TP53BP2: variants seen among roughly 807,000 people sequenced by gnomAD.
TP53BP2 encodes apoptosis-stimulating of p53 protein 2.
Under a neutral mutation model 126.2 loss-of-function variants are expected in TP53BP2, and 62 were observed. The ratio of observed to expected loss-of-function variants is 0.49; its 90% confidence interval spans 0.40 to 0.61. TP53BP2 has a LOEUF of 0.61. Ranked by LOEUF, TP53BP2 falls within the 20% of genes least tolerant of loss-of-function variation. The pLI is 0.00. For missense variants in TP53BP2, 1,215 were observed against 1,402.8 expected, an observed-to-expected ratio of 0.87 and a Z score of 2.14; for synonymous variants, 485 against 502.9, an observed-to-expected ratio of 0.96 and a Z score of 0.48.
At chr1:223,812,575 T>A (rs916149464) in intron 3 of TP53BP2, among the ~76,000 whole-genome samples, 9 of 152,116 alleles carry the variant, frequency 5.9e-5, no homozygotes, top group Middle Eastern at 6.8e-3. Flanking sequence ...GTTGTTTTCG[T>A]TTTTTCAGAT....
chr1:223,811,418 A>G (rs1474133986), intron 3 of TP53BP2, among the ~76,000 whole-genome samples: 1 of 152,234 alleles, frequency 6.6e-6, no homozygotes, highest in African/African-American at 2.4e-5. Context: ...ATGTCTACTC[A>G]GAGCCAAGTA....
chr1:223,823,415 C>T (rs1026245124), intron 1 of TP53BP2, among the ~76,000 whole-genome samples: 2 of 152,162 alleles, frequency 1.3e-5, no homozygotes, highest in Non-Finnish European at 1.5e-5. Context: ...CCACATTCTG[C>T]AACCAAAGCT....
intron 1 of TP53BP2, among the ~76,000 whole-genome samples, chr1:223,829,774 T>C (rs1486904530): frequency 6.6e-6 from 1 of 151,560 alleles, no homozygotes; most frequent in Non-Finnish European, 1.5e-5. Context: ...TTACCCATAC[T>C]ACAAGGACAG....
chr1:223,791,284 AAAATAAT>A (rs1662147278), intron 15 of TP53BP2, among the ~76,000 whole-genome samples: 1 of 151,788 alleles, frequency 6.6e-6, no homozygotes, highest in Admixed American at 6.6e-5. Flanking sequence ...ATAAAAATAA[AAAATAAT>A]TTTTTTTTAA....
chr1:223,788,675 G>A (rs1662052965), intron 16 of TP53BP2, among the ~76,000 whole-genome samples: 1 of 152,132 alleles, frequency 6.6e-6, no homozygotes, highest in Non-Finnish European at 1.5e-5. Flanking sequence ...GTTAGGAGAG[G>A]GGGGTCTGTT....
chr1:223,840,692 T>G (rs1664073733), intron 1 of TP53BP2, among the ~76,000 whole-genome samples: 1 of 152,190 alleles, frequency 6.6e-6, no homozygotes, highest in African/African-American at 2.4e-5. Flanking sequence ...AAGTTTTGTT[T>G]TATTGTCTGC....
At chr1:223,782,825 C>T (rs11589154) in intron 17 of TP53BP2, among the ~76,000 whole-genome samples, 354 of 152,208 alleles carry the variant, frequency 2.3e-3, no homozygotes, top group Non-Finnish European at 4.0e-3. Flanking sequence ...TTTAAAGTTA[C>T]GTTATGATCA....
intron 1 of TP53BP2, among the ~76,000 whole-genome samples, chr1:223,831,483 ATATATATATATATATAT>A (rs1663727527): frequency 2.6e-4 from 8 of 31,352 alleles, no homozygotes; most frequent in African/African-American, 8.1e-4. Flanking sequence ...AAAAAAAAAT[ATATATATATATATATAT>A]ATATATATAT....
chr1:223,787,465 G>T (rs1043784175), intron 16 of TP53BP2, among the ~76,000 whole-genome samples: 1 of 151,920 alleles, frequency 6.6e-6, no homozygotes, highest in African/African-American at 2.4e-5. Context: ...CATAAACAAA[G>T]GCTGGGCATG....
Position 223,803,446 on chromosome 1 carries a change from T to A in TP53BP2, c.656A>T (p.Glu219Val). 1 of 1,610,816 alleles carries A rather than the reference T, an allele frequency of 6.2e-7. No individual in the cohort carries two copies. The highest frequency in any genetic ancestry group is 8.5e-7 in the Non-Finnish European group (1 of 1,178,294). ...KRLSNGKLVE[E>V]IEQMNNLFQQ... ...GAACAAATTATTCATCTGTTCAATT[T>A]CCTCCACTAGATGAGACAGAGAACA... The change falls in exon 7 of 18, where the codon GAA becomes GTA. Residue 219 changes from glutamate (E) to valine (V), a missense_variant. Around this residue, in one of 4 missense-constraint regions of TP53BP2, gnomAD observed 814 missense variants for 853.0 expected, o/e 0.95. Transcript: ENST00000343537.
At chr1:223,810,359 A>G in intron 4 of TP53BP2, 72 bp downstream of exon 4, 1 of 1,124,126 alleles carries the variant, frequency 8.9e-7, no homozygotes, top group Non-Finnish European at 1.2e-6. Flanking sequence ...CAAAGTAATA[A>G]TGAATAAGAT....
intron 5 of TP53BP2, among the ~76,000 whole-genome samples, chr1:223,804,658 A>T (rs1054683537): frequency 1.3e-5 from 2 of 152,244 alleles, no homozygotes; most frequent in African/African-American, 2.4e-5. Flanking sequence ...CAACAATTTT[A>T]AAAAGCAGCT....
At chr1:223,833,903 T>C (rs1235543042) in intron 1 of TP53BP2, among the ~76,000 whole-genome samples, 2 of 152,236 alleles carry the variant, frequency 1.3e-5, no homozygotes, top group African/African-American at 4.8e-5. Flanking sequence ...TAAAGCGATA[T>C]GATAAAGAAT....
Position 223,800,035 on chromosome 1 carries a change from T to C in TP53BP2, c.1349A>G (p.Glu450Gly), listed in dbSNP as rs556711213. 3.1e-6 allele frequency: 5 copies of C among 1,605,220 alleles called. No individual in the cohort carries two copies. In the South Asian group the frequency reaches 5.6e-5, roughly 18 times the overall value. ...CTTCTCTTTCTCCCTCAGCGGAACC[T>C]CTCCATCATCAACTAAAGACAAAAA... ...GNALDQVDDG[E>G]VPLREKEKKV... The change falls in exon 11 of 18, where the codon GAG (glutamate) becomes GGG (glycine). Residue 450 changes from glutamate to glycine, a missense_variant. This residue lies in a region of TP53BP2 where 814 missense variants were observed against 853.0 expected (regional missense o/e 0.95). Transcript: ENST00000343537.
At chr1:223,842,294 C>G (rs12136558) in intron 1 of TP53BP2, among the ~76,000 whole-genome samples, 23,383 of 152,240 alleles carry the variant, frequency 0.15, 2,245 homozygotes, top group East Asian at 0.22. Flanking sequence ...ATCGGTTTGA[C>G]TGCATTGTCA....
At chr1:223,811,456 T>G (rs1571858895) in intron 3 of TP53BP2, among the ~76,000 whole-genome samples, 1 of 152,172 alleles carries the variant, frequency 6.6e-6, no homozygotes, top group African/African-American at 2.4e-5. Flanking sequence ...TCTAATATGA[T>G]CAGCTTTTAT....
At chr1:223,802,372 T>C (rs1214053545) in intron 8 of TP53BP2, 28 bp from the exon 9 acceptor site, 6 of 1,592,594 alleles carry the variant, frequency 3.8e-6, no homozygotes, top group Admixed American at 1.8e-5. Flanking sequence ...GGTCCTTTAG[T>C]ATTAAAAATC....
intron 12 of TP53BP2, 44 bp downstream of exon 12, chr1:223,798,171 G>C (rs1385615427): frequency 1.8e-5 from 27 of 1,542,370 alleles, no homozygotes; most frequent in Non-Finnish European, 2.4e-5. Context: ...TTAAGTTCTG[G>C]TATAGAACTT....
Position 223,796,383 on chromosome 1 carries a change from T to A in TP53BP2, c.2156A>T (p.Gln719Leu). ...LPFLSNPYRN[Q>L]SDADLEALRK... ...TAAGGCTTCTAGGTCAGCATCACTC[T>A]GGTTTCGGTAAGGATTAGATAAGAA... Residue 719 changes from glutamine (Q) to leucine (L), a missense_variant, in exon 13 of 18, where the codon CAG (glutamine) becomes CTG (leucine). Gln to Leu is a moderately radical substitution (Grantham distance 113). This residue lies in a region of TP53BP2 where 46 missense variants were observed against 93.0 expected (regional missense o/e 0.49). Coordinates refer to ENST00000343537, the MANE Select transcript of TP53BP2 (RefSeq NM_001031685.3). The surrounding 1 kb of genome is among the most constrained non-coding windows in gnomAD (Gnocchi z 4.2). 1 of 1,614,210 alleles carries A rather than the reference T, an allele frequency of 6.2e-7. No homozygotes were observed. Among genetic ancestry groups the A allele is most frequent in the Admixed American group, 1.7e-5 (1 of 60,026 alleles).
Sources: gnomAD v4.1 joint callset for allele counts (sites outside exome capture counted in the v4.1 genomes callset) on GRCh38, gnomAD v4.1.1 for gene constraint, gnomAD v4.1.1 regional missense constraint, Gnocchi (gnomAD v3.1) non-coding constraint, MANE v1.5 for transcripts, NCBI Gene and HGNC (gene_info 2026-07-23, HGNC 2026-07-21) for gene names.